CTNNA3: variants seen among roughly 807,000 people sequenced by gnomAD.
The protein encoded by CTNNA3 is catenin alpha 3, also known as catenin alpha-3.
A neutral mutation model predicts 95.7 loss-of-function variants in CTNNA3; 76 were observed. The ratio of observed to expected loss-of-function variants is 0.79; its 90% CI spans 0.66 to 0.96. CTNNA3 has a LOEUF of 0.96. CTNNA3 is among the 40% of genes least tolerant of loss of function. CTNNA3 has a pLI of 0.00. For missense variants in CTNNA3, 1,191 were observed against 1,089.8 expected (o/e 1.09, Z -1.31); for synonymous variants, 431 against 374.4 (o/e 1.15, Z -1.74).
rs150986303 is a variant in CTNNA3, at chr10:67,672,283, C to T, written c.-6+23717G>A. On this transcript the variant is annotated intron_variant, in intron 1 of 17. Transcript: ENST00000433211. The stretch of plus-strand genomic sequence containing the variant: ...AGCCCTTTGTCAGATGAGTAGGTTG[C>T]GAAAATTTTCTCCCATTTTGTGGGT... Among the ~76,000 whole-genome samples, 595 of 152,124 alleles carry T rather than the reference C, an allele frequency of 3.9e-3. 5 individuals are homozygous for T. Among genetic ancestry groups the T allele is most frequent in the African/African-American group, 0.013 (556 of 41,486 alleles).
At chr10:66,499,223 T>C (rs1283948287) in intron 11 of CTNNA3, among the ~76,000 whole-genome samples, 1 of 152,166 alleles carries the variant, frequency 6.6e-6, no homozygotes, top group African/African-American at 2.4e-5. Flanking sequence ...CCATATATAA[T>C]CTAGGTCAAA....
chr10:66,910,641 C>T (rs1398072170), intron 7 of CTNNA3, among the ~76,000 whole-genome samples: 2 of 152,168 alleles, frequency 1.3e-5, no homozygotes, highest in African/African-American at 2.4e-5. Context: ...AAGCCAACTC[C>T]ATGGCGAGCA....
intron 11 of CTNNA3, among the ~76,000 whole-genome samples, chr10:66,447,450 C>A (rs993218973): frequency 1.5e-5 from 2 of 133,792 alleles, no homozygotes; most frequent in South Asian, 5.3e-4. Context: ...GTAACCAAAA[C>A]AGCATGGTAC....
intron 5 of CTNNA3, among the ~76,000 whole-genome samples, chr10:67,473,965 T>C (rs1847920199): frequency 6.6e-6 from 1 of 152,158 alleles, no homozygotes; most frequent in African/African-American, 2.4e-5. Context: ...TTCTGACTTT[T>C]TTTCCTGTAA....
chr10:67,370,513 T>C (rs945033155), intron 5 of CTNNA3, among the ~76,000 whole-genome samples: 3 of 152,178 alleles, frequency 2.0e-5, no homozygotes, highest in African/African-American at 7.2e-5. Context: ...TAACGACAAA[T>C]AGCTAAGAAA....
At chr10:67,290,746 T>A (rs1431321818) in intron 5 of CTNNA3, among the ~76,000 whole-genome samples, 1 of 151,808 alleles carries the variant, frequency 6.6e-6, no homozygotes, top group Non-Finnish European at 1.5e-5. Flanking sequence ...AGTAAGAGAG[T>A]TCAAAATACA....
chr10:66,400,269 T>C (rs2093010184), intron 11 of CTNNA3, among the ~76,000 whole-genome samples: 1 of 152,086 alleles, frequency 6.6e-6, no homozygotes, highest in Admixed American at 6.6e-5. Context: ...GTCACTATGC[T>C]TTCTGGCAGC....
intron 10 of CTNNA3, among the ~76,000 whole-genome samples, chr10:66,568,969 A>T (rs1284334570): frequency 6.6e-6 from 1 of 152,018 alleles, no homozygotes; most frequent in Non-Finnish European, 1.5e-5. Flanking sequence ...TGAAATCCAG[A>T]AAGTACTCTG....
chr10:66,401,393 G>A (rs138827691), intron 11 of CTNNA3, among the ~76,000 whole-genome samples: 3 of 151,944 alleles, frequency 2.0e-5, no homozygotes, highest in Admixed American at 6.6e-5. Flanking sequence ...ATGGATGGTG[G>A]TGTGTCCCTG....
chr10:66,491,020 T>A (rs976816497), intron 11 of CTNNA3, among the ~76,000 whole-genome samples: 7 of 152,208 alleles, frequency 4.6e-5, no homozygotes, highest in Admixed American at 2.6e-4. Flanking sequence ...GTTACTGATA[T>A]CTTGAAATTC....
chr10:67,087,780 G>A (rs926790320), intron 7 of CTNNA3, among the ~76,000 whole-genome samples: 3 of 151,950 alleles, frequency 2.0e-5, no homozygotes, highest in African/African-American at 4.8e-5. Flanking sequence ...CCCAGTCACC[G>A]GGGGATGGAG....
At chr10:67,595,943 A>G (rs1308717099) in intron 3 of CTNNA3, among the ~76,000 whole-genome samples, 1 of 152,094 alleles carries the variant, frequency 6.6e-6, no homozygotes, top group African/African-American at 2.4e-5. Flanking sequence ...AATAAAAAAT[A>G]TCAACCTCAG....
At chr10:66,355,312 A>G (rs2092600455) in intron 12 of CTNNA3, among the ~76,000 whole-genome samples, 1 of 152,124 alleles carries the variant, frequency 6.6e-6, no homozygotes, top group Non-Finnish European at 1.5e-5. Flanking sequence ...TAACTGGGTC[A>G]CATTGGGAAA....
At chr10:67,108,524 G>T (rs552043390) in intron 7 of CTNNA3, among the ~76,000 whole-genome samples, 3 of 152,098 alleles carry the variant, frequency 2.0e-5, no homozygotes, top group Admixed American at 2.0e-4. Context: ...TATGATGTGA[G>T]ACACAGTGAT....
intron 15 of CTNNA3, among the ~76,000 whole-genome samples, chr10:66,043,285 G>A (rs1166739591): frequency 6.6e-6 from 1 of 152,134 alleles, no homozygotes; most frequent in East Asian, 1.9e-4. Context: ...AAGTATATTG[G>A]AAGATTGTCT....
chr10:67,293,206 T>C (rs1055671164), intron 5 of CTNNA3, among the ~76,000 whole-genome samples: 2 of 152,176 alleles, frequency 1.3e-5, no homozygotes, highest in Admixed American at 1.3e-4. Context: ...CTTTTCAACC[T>C]AATGTTTTGA....
At chr10:66,592,154 C>T (rs1306590630) in intron 10 of CTNNA3, among the ~76,000 whole-genome samples, 2 of 151,532 alleles carry the variant, frequency 1.3e-5, no homozygotes, top group African/African-American at 4.8e-5. Flanking sequence ...TTAGCTTTTC[C>T]TCCTGAATTT....
chr10:66,351,475 T>A (rs2092566516), intron 12 of CTNNA3, among the ~76,000 whole-genome samples: 1 of 152,022 alleles, frequency 6.6e-6, no homozygotes, highest in Non-Finnish European at 1.5e-5. Flanking sequence ...GAGTCAGTGT[T>A]AGAAACTGAA....
At chr10:66,115,357 T>C (rs1385814368) in intron 13 of CTNNA3, among the ~76,000 whole-genome samples, 1 of 152,184 alleles carries the variant, frequency 6.6e-6, no homozygotes, top group East Asian at 1.9e-4. Context: ...TTTTGTATGG[T>C]CTTTTTTGTT....
Sources: gnomAD v4.1 joint callset for allele counts (sites outside exome capture counted in the v4.1 genomes callset) on GRCh38, gnomAD v4.1.1 for gene constraint, MANE v1.5 for transcripts, NCBI Gene and HGNC (gene_info 2026-07-23, HGNC 2026-07-21) for gene names.